Variants in CLNK observed in about 807,000 individuals in gnomAD.
CLNK encodes the protein cytokine-dependent hematopoietic cell linker.
A neutral mutation model predicts 68.6 loss-of-function variants in CLNK; 74 were observed. The ratio of observed to expected loss-of-function variants is 1.08; its 90% CI spans 0.89 to 1.31. The LOEUF is 1.31. Among genes scored for constraint, CLNK ranks in the 50% most tolerant of loss-of-function variants. The pLI is 0.00. For synonymous variants in CLNK, 198 were observed against 172.2 expected (o/e 1.15, Z -1.17); for missense variants, 553 against 515.3 (o/e 1.07, Z -0.71).
chr4:10,690,941 G>A, the CLNK span, among the ~76,000 whole-genome samples: 2 of 152,152 alleles, frequency 1.3e-5, no homozygotes, highest in African/African-American at 4.8e-5. Flanking sequence ...AAGAGAAAGT[G>A]CAGTGCAACA....
At chr4:10,628,346 A>AT (rs1178138556) in intron 2 of CLNK, among the ~76,000 whole-genome samples, 5 of 151,318 alleles carry the variant, frequency 3.3e-5, no homozygotes, top group African/African-American at 1.2e-4. Flanking sequence ...GAAATTCCTA[A>AT]TTGTCCTTCA....
intron 2 of CLNK, among the ~76,000 whole-genome samples, chr4:10,642,083 A>G (rs1222124866): frequency 6.6e-6 from 1 of 152,222 alleles, no homozygotes; most frequent in Non-Finnish European, 1.5e-5. Flanking sequence ...ATGGACTAAA[A>G]CACCTACCTA....
intron 2 of CLNK, 54 bp downstream of exon 2, chr4:10,667,805 C>G: frequency 6.5e-7 from 1 of 1,530,550 alleles, no homozygotes; most frequent in Non-Finnish European, 8.8e-7. Context: ...AAAACACCTC[C>G]TGTCCCCACC....
At chr4:10,565,701 C>T (rs1256738033) in intron 6 of CLNK, among the ~76,000 whole-genome samples, 2 of 152,172 alleles carry the variant, frequency 1.3e-5, no homozygotes, top group Non-Finnish European at 2.9e-5. Flanking sequence ...TCAAGGAGAG[C>T]ATCGTGATAA....
At chr4:10,563,029 C>T (rs572092135) in intron 7 of CLNK, among the ~76,000 whole-genome samples, 12 of 152,064 alleles carry the variant, frequency 7.9e-5, no homozygotes, top group Admixed American at 3.3e-4. Context: ...CTGCTGTGCC[C>T]GTGTAAAAAG....
chr4:10,529,759 G>A (rs1449068518), intron 12 of CLNK, among the ~76,000 whole-genome samples: 1 of 152,182 alleles, frequency 6.6e-6, no homozygotes, highest in East Asian at 1.9e-4. Context: ...GAGAGGAAGA[G>A]GAGATGAGAA....
intron 8 of CLNK, among the ~76,000 whole-genome samples, chr4:10,557,604 C>T (rs1324904230): frequency 6.6e-6 from 1 of 152,224 alleles, no homozygotes; most frequent in Non-Finnish European, 1.5e-5. Context: ...CTTTGTTCTT[C>T]CCCCTATACC....
chr4:10,608,079 C>T (rs1168701317), intron 2 of CLNK, among the ~76,000 whole-genome samples: 1 of 152,166 alleles, frequency 6.6e-6, no homozygotes, highest in Non-Finnish European at 1.5e-5. Context: ...TGTAACATGA[C>T]ATGAGAACTT....
intron 18 of CLNK, among the ~76,000 whole-genome samples, chr4:10,497,684 G>A (rs1182343833): frequency 6.6e-6 from 1 of 152,182 alleles, no homozygotes; most frequent in African/African-American, 2.4e-5. Context: ...AGTGGGGCAT[G>A]TTGGAAAAAA....
At chr4:10,624,208 C>T (rs1472713362) in intron 2 of CLNK, among the ~76,000 whole-genome samples, 1 of 152,238 alleles carries the variant, frequency 6.6e-6, no homozygotes, top group East Asian at 1.9e-4. Flanking sequence ...TGAACCCTCA[C>T]CTCAAACCAT....
upstream of CLNK, among the ~76,000 whole-genome samples, chr4:10,689,744 C>CTTTTTTTTTTTTTTT (rs1560280654): frequency 1.1e-4 from 3 of 26,920 alleles, no homozygotes; most frequent in African/African-American, 2.0e-4. Flanking sequence ...AAAACCCATG[C>CTTTTTTTTTTTTTTT]ATTTTTTTTT....
At chr4:10,507,313 T>C (rs1717345270) in intron 17 of CLNK, among the ~76,000 whole-genome samples, 1 of 151,882 alleles carries the variant, frequency 6.6e-6, no homozygotes, top group African/African-American at 2.4e-5. Context: ...GGTTTCACCA[T>C]GTTGGCCAGG....
chr4:10,681,857 A>G (rs892226359), intron 1 of CLNK, among the ~76,000 whole-genome samples: 1 of 152,164 alleles, frequency 6.6e-6, no homozygotes, highest in Admixed American at 6.5e-5. Context: ...TGGACAATGC[A>G]TGGAGCCTGC....
rs116522909 is a variant in CLNK at position 10,672,950 on chromosome 4, G to A, written c.-42-5039C>T. On this transcript the variant is annotated intron_variant, in intron 1 of 18. Coordinates refer to ENST00000226951, the MANE Select transcript of CLNK (RefSeq NM_052964.4). ...ATCTTAAATAGACATTTAGGAACTG[G>A]CACTGCTTGTAAATAATCCTCCATA... 3.5e-3 allele frequency among the ~76,000 whole-genome samples: 537 copies of A among 152,240 alleles called. 7 individuals are homozygous for A. The highest frequency in any genetic ancestry group is 0.012 in the African/African-American group (519 of 41,540).
At chr4:10,673,205 G>A (rs1393474423) in intron 1 of CLNK, among the ~76,000 whole-genome samples, 1 of 152,082 alleles carries the variant, frequency 6.6e-6, no homozygotes, top group Non-Finnish European at 1.5e-5. Flanking sequence ...TTTACAATGT[G>A]CCAGTCACGT....
rs967539800 is a variant in CLNK, at chr4:10,528,070, A to G, written c.649+6T>C. The G allele has an allele frequency of 3.7e-6, 5 of 1,354,702 alleles. No homozygotes were observed. In the African/African-American group the frequency reaches 4.5e-5, roughly 12 times the overall value. 83.9% of individuals were successfully genotyped at this position (1,354,702 alleles called of 1,614,324 possible). On this transcript the variant is annotated splice_donor_region_variant and intron_variant, in intron 13 of 18. Coordinates refer to ENST00000226951, the MANE Select transcript of CLNK (RefSeq NM_052964.4). ...TAGGGTAAGAAAACAAATGTAAACA[A>G]TTCACCTTTTTCTGCTTCAAGGACC...
At chr4:10,559,963 G>A (rs1719822307) in intron 7 of CLNK, among the ~76,000 whole-genome samples, 1 of 152,156 alleles carries the variant, frequency 6.6e-6, no homozygotes, top group Admixed American at 6.5e-5. Context: ...CTAGATGTCA[G>A]TAGAACTCAG....
At chr4:10,552,614 A>T (rs149040676) in intron 8 of CLNK, among the ~76,000 whole-genome samples, 4 of 151,942 alleles carry the variant, frequency 2.6e-5, no homozygotes. Context: ...TCAAACCCCT[A>T]TAATTTCATC....
chr4:10,715,551 A>G, the CLNK span, among the ~76,000 whole-genome samples: 1 of 152,048 alleles, frequency 6.6e-6, no homozygotes, highest in African/African-American at 2.4e-5. Flanking sequence ...ACATTCCACA[A>G]ATTTTATTTC....
Sources: allele counts gnomAD v4.1 joint callset (sites outside exome capture counted in the v4.1 genomes callset), GRCh38; gene constraint gnomAD v4.1.1; transcripts MANE v1.5; gene names NCBI Gene and HGNC (gene_info 2026-07-23, HGNC 2026-07-21).